Variants in SNTG2 observed in about 807,000 individuals in gnomAD.
SNTG2 encodes gamma-2-syntrophin.
Under a neutral mutation model 70.9 loss-of-function variants are expected in SNTG2, and 74 were observed. The ratio of observed to expected loss-of-function variants is 1.04; its 90% CI spans 0.86 to 1.27. The LOEUF is 1.27. Among genes scored for constraint, SNTG2 ranks in the 50% most tolerant of loss-of-function variants. SNTG2 has a pLI of 0.00. For synonymous variants in SNTG2, 278 were observed against 273.8 expected, an observed-to-expected ratio of 1.02 and a Z score of -0.15; for missense variants, 717 against 690.7, an observed-to-expected ratio of 1.04 and a Z score of -0.43.
chr2:1,144,277 G>A (rs975647375), intron 6 of SNTG2, among the ~76,000 whole-genome samples: 1 of 152,258 alleles, frequency 6.6e-6, no homozygotes, highest in Admixed American at 6.5e-5. Context: ...AGCCTTAAGA[G>A]TGCAACTGGC....
chr2:1,176,968 T>C (rs1671520056), intron 8 of SNTG2, among the ~76,000 whole-genome samples: 1 of 152,164 alleles, frequency 6.6e-6, no homozygotes, highest in Non-Finnish European at 1.5e-5. Flanking sequence ...GACTTAGCAA[T>C]CCTATTACTG....
At chr2:952,283 C>T (rs1255610511) in intron 1 of SNTG2, among the ~76,000 whole-genome samples, 2 of 152,222 alleles carry the variant, frequency 1.3e-5, no homozygotes, top group African/African-American at 4.8e-5. Flanking sequence ...CACAGGCTTT[C>T]CGTCTGGTCA....
Position 1,137,640 on chromosome 2 carries a change from T to C in SNTG2, c.344T>C (p.Leu115Ser). The change falls in exon 5 of 17, where the codon TTG becomes TCG. Residue 115 changes from leucine to serine, a missense_variant. Physicochemically the swap from Leu to Ser is moderately radical, Grantham distance 145. Transcript: ENST00000308624. ...CCTGCAGCTGACCAGACAGGGATGT[T>C]GTTCGTAGGAGATGCTGTTCTCCAG... ...EDQAADQTGM[L>S]FVGDAVLQVN... The C allele has an allele frequency of 6.2e-7, 1 of 1,612,984 alleles. No homozygotes were observed. The highest frequency in any genetic ancestry group is 8.5e-7 in the Non-Finnish European group (1 of 1,179,664).
intron 14 of SNTG2, among the ~76,000 whole-genome samples, chr2:1,295,869 G>A (rs955068405): frequency 2.6e-5 from 4 of 151,876 alleles, no homozygotes; most frequent in Middle Eastern, 3.4e-3. Flanking sequence ...GCAGGCAGAC[G>A]TCACCATCAA....
intron 14 of SNTG2, among the ~76,000 whole-genome samples, chr2:1,307,492 GA>G (rs1680752635): frequency 6.6e-6 from 1 of 151,660 alleles, no homozygotes; most frequent in South Asian, 2.1e-4. Context: ...AGGAGGGAAA[GA>G]GAGAGAGTGT....
At chr2:1,187,389 C>G (rs907456522) in intron 8 of SNTG2, among the ~76,000 whole-genome samples, 1 of 152,044 alleles carries the variant, frequency 6.6e-6, no homozygotes, top group Admixed American at 6.6e-5. Flanking sequence ...AGTTGAAGGC[C>G]TTAAAACAAA....
intron 14 of SNTG2, among the ~76,000 whole-genome samples, chr2:1,287,321 T>A (rs1558180375): frequency 6.6e-6 from 1 of 152,246 alleles, no homozygotes; most frequent in Non-Finnish European, 1.5e-5. Flanking sequence ...CACCAGGGCC[T>A]CTGTGGATGC....
At chr2:1,212,392 A>G (rs1674105188) in intron 9 of SNTG2, among the ~76,000 whole-genome samples, 2 of 152,160 alleles carry the variant, frequency 1.3e-5, no homozygotes, top group Non-Finnish European at 2.9e-5. Flanking sequence ...TCCTATGTAG[A>G]CTACAGAACT....
intron 16 of SNTG2, chr2:1,341,481 C>T (rs535025704): frequency 6.6e-6 from 1 of 152,226 alleles, no homozygotes; most frequent in Admixed American, 6.6e-5. Context: ...TGAAGGTTGT[C>T]TTGGCTGCAG....
chr2:1,156,973 G>C (rs1669940042), intron 6 of SNTG2, among the ~76,000 whole-genome samples: 1 of 152,108 alleles, frequency 6.6e-6, no homozygotes, highest in South Asian at 2.1e-4. Flanking sequence ...TCCTTCCCTG[G>C]TTATCCATAG....
intron 1 of SNTG2, among the ~76,000 whole-genome samples, chr2:1,023,000 C>T (rs1177370376): frequency 1.3e-5 from 2 of 152,126 alleles, no homozygotes; most frequent in South Asian, 2.1e-4. Context: ...AGACTGGCAG[C>T]AAATGAGAGT....
chr2:1,011,132 G>A (rs776868343), intron 1 of SNTG2, among the ~76,000 whole-genome samples: 9 of 152,190 alleles, frequency 5.9e-5, no homozygotes, highest in Admixed American at 2.0e-4. Flanking sequence ...CAGCAAGTAT[G>A]AGCTCTGTCT....
Position 1,083,592 on chromosome 2 carries a change from A to G in SNTG2, c.147A>G (p.Lys49=), listed in dbSNP as rs1664488994. Residue 49 remains lysine (K), a synonymous_variant, in exon 2 of 17, where the codon AAA becomes AAG. Transcript: ENST00000308624. ...ATGACATCCGGCTGAAGCTGACGAA[A>G]GAGGTGCTGACAATTCAGAAACAAG... is the stretch of plus-strand genomic sequence containing the variant. ...NAYDIRLKLT[K]EVLTIQKQDV... is the part of the protein sequence containing the mutation. 1 of 1,613,690 alleles carries G rather than the reference A, an allele frequency of 6.2e-7. No homozygotes were observed. Among genetic ancestry groups the G allele is most frequent in the Admixed American group, 1.7e-5 (1 of 59,994 alleles).
intron 14 of SNTG2, among the ~76,000 whole-genome samples, chr2:1,281,409 TTG>T (rs1553272290): frequency 0.042 from 101 of 2,416 alleles, 3 homozygotes; most frequent in African/African-American, 0.065. Flanking sequence ...ATGTGGTGTG[TTG>T]TGTGTGTGTG....
intron 7 of SNTG2, among the ~76,000 whole-genome samples, chr2:1,170,382 G>A (rs1409520837): frequency 6.6e-6 from 1 of 152,064 alleles, no homozygotes; most frequent in South Asian, 2.1e-4. Context: ...TAGTCAGCCC[G>A]GACTCTCCCC....
At chr2:1,023,579 C>T (rs1412202161) in intron 1 of SNTG2, among the ~76,000 whole-genome samples, 1 of 152,110 alleles carries the variant, frequency 6.6e-6, no homozygotes, top group South Asian at 2.1e-4. Flanking sequence ...ATGGTTTCAT[C>T]GTCGAACATT....
chr2:1,157,336 C>T (rs554567290), intron 6 of SNTG2, among the ~76,000 whole-genome samples: 4 of 152,162 alleles, frequency 2.6e-5, no homozygotes, highest in South Asian at 4.1e-4. Context: ...CCCGGCACTG[C>T]GGCTTGTGCG....
intron 1 of SNTG2, among the ~76,000 whole-genome samples, chr2:1,030,977 T>C (rs1660783932): frequency 6.6e-6 from 1 of 152,148 alleles, no homozygotes; most frequent in South Asian, 2.1e-4. Flanking sequence ...TTTAAGCAAG[T>C]GGTAGTTAGC....
At chr2:1,101,403 A>G (rs1231906526) in intron 4 of SNTG2, among the ~76,000 whole-genome samples, 1 of 152,244 alleles carries the variant, frequency 6.6e-6, no homozygotes, top group African/African-American at 2.4e-5. Flanking sequence ...ACACATTTAT[A>G]TCCTCGTTTT....
Sources: allele counts gnomAD v4.1 joint callset (sites outside exome capture counted in the v4.1 genomes callset), GRCh38; gene constraint gnomAD v4.1.1; transcripts MANE v1.5; gene names NCBI Gene and HGNC (gene_info 2026-07-23, HGNC 2026-07-21).